PRLR: variants seen among roughly 807,000 people sequenced by gnomAD.
PRLR encodes the protein prolactin receptor.
PRLR carries 13 observed loss-of-function variants against 40.2 expected under a neutral mutation model. That is an observed-to-expected ratio of 0.32 (90% CI 0.21 to 0.51). PRLR has a LOEUF of 0.51. Ranked by LOEUF, PRLR falls within the 20% of genes least tolerant of loss-of-function variation. PRLR has a pLI of 0.97. For missense variants in PRLR, 656 were observed against 747.3 expected (o/e 0.88, Z 1.42); for synonymous variants, 269 against 278.7 (o/e 0.97, Z 0.35).
rs1769196909 is a variant in PRLR at position 35,063,995 on chromosome 5, AC to A, written c.*1093del. ...AATTTTGTCATTCACTTCATATTTC[AC>A]AGTGGGCTTTGGGTTGGTATGGCAT... On this transcript the variant is annotated 3_prime_UTR_variant, in exon 10 of 10. Transcript: ENST00000618457. 6.6e-6 allele frequency: 1 copy of A among 152,198 alleles called. No individual in the cohort carries two copies. Among genetic ancestry groups the A allele is most frequent in the South Asian group, 2.1e-4 (1 of 4,838 alleles). The allele number at this position is 152,198 out of a possible 1,614,324, so 9.4% of individuals were successfully genotyped here.
intron 1 of PRLR, among the ~76,000 whole-genome samples, chr5:35,175,307 T>A (rs979936871): frequency 6.6e-6 from 1 of 152,224 alleles, no homozygotes; most frequent in Non-Finnish European, 1.5e-5. Context: ...AAGCTCTCTC[T>A]CTTTGCCTGC....
In PRLR at chr5:35,175,100, G is replaced by A. The variant is rs527391940; in HGVS notation, c.-106+55168C>T. Among the ~76,000 whole-genome samples, 17 of 152,334 alleles carry A rather than the reference G, an allele frequency of 1.1e-4. No homozygotes were observed. In the East Asian group the frequency reaches 2.1e-3, roughly 19 times the overall value. On this transcript the variant is annotated intron_variant, in intron 1 of 9. Coordinates refer to ENST00000618457, the MANE Select transcript of PRLR (RefSeq NM_000949.7). ...GGATGGACAGATGGATGGATAGATA[G>A]ATAGATAGTTGATATGGTTTGGCTC...
At chr5:35,222,552 G>A (rs375088476) in intron 1 of PRLR, among the ~76,000 whole-genome samples, 9 of 152,112 alleles carry the variant, frequency 5.9e-5, no homozygotes, top group Non-Finnish European at 1.2e-4. Flanking sequence ...CATCAGGGAC[G>A]GGGCTCTCGG....
intron 1 of PRLR, among the ~76,000 whole-genome samples, chr5:35,123,370 A>G (rs1201005185): frequency 6.6e-6 from 1 of 152,192 alleles, no homozygotes; most frequent in East Asian, 1.9e-4. Flanking sequence ...CAAGCTTCTT[A>G]ATAGGGAGCT....
intron 1 of PRLR, among the ~76,000 whole-genome samples, chr5:35,203,847 T>TTAGGG (rs1775941373): frequency 1.5e-5 from 1 of 65,586 alleles, no homozygotes; most frequent in Admixed American, 1.5e-4. Flanking sequence ...TACTAAATAT[T>TTAGGG]TAGGTAGTTG....
chr5:35,110,733 A>G (rs1198174999), intron 2 of PRLR, among the ~76,000 whole-genome samples: 2 of 152,130 alleles, frequency 1.3e-5, no homozygotes, highest in Non-Finnish European at 2.9e-5. Flanking sequence ...TTTTTCCCAC[A>G]AAAATTGCTG....
chr5:35,228,232 CAAA>C (rs55934270), intron 1 of PRLR, among the ~76,000 whole-genome samples: 2,164 of 87,354 alleles, frequency 0.025, 26 homozygotes, highest in Admixed American at 0.048. Context: ...AACAACCATG[CAAA>C]AAAAAAAAAA....
chr5:35,066,987 T>C (rs545804822), intron 9 of PRLR, among the ~76,000 whole-genome samples: 1 of 152,134 alleles, frequency 6.6e-6, no homozygotes, highest in African/African-American at 2.4e-5. Flanking sequence ...ATGGTCTTGA[T>C]CTCCTGACCT....
intron 1 of PRLR, among the ~76,000 whole-genome samples, chr5:35,159,320 G>GAA (rs34465230): frequency 1.8e-3 from 254 of 137,446 alleles, no homozygotes; most frequent in African/African-American, 7.0e-3. Context: ...ATCAAGATAG[G>GAA]AAAAAAAAAA....
chr5:35,052,153 C>CA (rs1440142884), downstream of PRLR, among the ~76,000 whole-genome samples: 2 of 151,928 alleles, frequency 1.3e-5, no homozygotes, highest in Admixed American at 6.6e-5. Context: ...TCTTAAGCAG[C>CA]AAAAAAGATG....
At chr5:35,194,269 C>T (rs1476426669) in intron 1 of PRLR, among the ~76,000 whole-genome samples, 2 of 152,132 alleles carry the variant, frequency 1.3e-5, no homozygotes, top group Non-Finnish European at 2.9e-5. Context: ...TGACATGGTT[C>T]CTGCCCTCAT....
rs1407587713 is a variant in PRLR at position 35,066,118 on chromosome 5, C to T, written c.856-16G>A. 1 of 1,605,526 alleles carries T rather than the reference C, an allele frequency of 6.2e-7. No homozygotes were observed. The highest frequency in any genetic ancestry group is 8.5e-7 in the Non-Finnish European group (1 of 1,174,870). ...ACTTGCCCTTCTATTAAAACACAGA[C>T]ACAAGAAGAGATGGCTGTTAGCTTC... On this transcript the variant is annotated splice_polypyrimidine_tract_variant and intron_variant, in intron 9 of 9. Transcript: ENST00000618457.
intron 1 of PRLR, among the ~76,000 whole-genome samples, chr5:35,184,825 G>C (rs1264717666): frequency 6.6e-6 from 1 of 152,250 alleles, no homozygotes; most frequent in Non-Finnish European, 1.5e-5. Flanking sequence ...CCACAAGGCA[G>C]CTGTGAAGTC....
intron 2 of PRLR, among the ~76,000 whole-genome samples, chr5:35,113,723 A>G (rs761952161): frequency 1.3e-5 from 2 of 152,218 alleles, no homozygotes; most frequent in Non-Finnish European, 2.9e-5. Flanking sequence ...AAATGATGCA[A>G]GTGCTAAGGA....
intron 1 of PRLR, among the ~76,000 whole-genome samples, chr5:35,130,833 T>C (rs1773646475): frequency 6.6e-6 from 1 of 152,130 alleles, no homozygotes; most frequent in Non-Finnish European, 1.5e-5. Context: ...GGACGGATGT[T>C]TTTATAAGAC....
At chr5:35,067,266 T>C (rs1013440213) in intron 9 of PRLR, among the ~76,000 whole-genome samples, 5 of 152,202 alleles carry the variant, frequency 3.3e-5, no homozygotes, top group Non-Finnish European at 5.9e-5. Flanking sequence ...TACTAACACA[T>C]ATTTTTGAGA....
At chr5:35,160,414 C>A (rs1454072601) in intron 1 of PRLR, among the ~76,000 whole-genome samples, 2 of 152,136 alleles carry the variant, frequency 1.3e-5, no homozygotes, top group African/African-American at 2.4e-5. Flanking sequence ...TCTGCTCTTA[C>A]CTTTAGTGGT....
At chr5:35,135,367 C>T (rs1232357805) in intron 1 of PRLR, 1 of 152,298 alleles carries the variant, frequency 6.6e-6, no homozygotes, top group Non-Finnish European at 1.5e-5. Context: ...GCGGCCTCTC[C>T]ACTCAGCGTG....
At chr5:35,088,341 G>A (rs1383457966) in intron 3 of PRLR, among the ~76,000 whole-genome samples, 1 of 152,204 alleles carries the variant, frequency 6.6e-6, no homozygotes, top group Non-Finnish European at 1.5e-5. Context: ...GCAAGTTTTT[G>A]TTTTGCTTTG....
Sources: gnomAD v4.1 joint callset for allele counts (sites outside exome capture counted in the v4.1 genomes callset) on GRCh38, gnomAD v4.1.1 for gene constraint, MANE v1.5 for transcripts, NCBI Gene and HGNC (gene_info 2026-07-23, HGNC 2026-07-21) for gene names.